Variants in SLIT3 observed in about 807,000 individuals in gnomAD.
The protein encoded by SLIT3 is slit guidance ligand 3, also known as slit homolog 3 protein.
A neutral mutation model predicts 184.0 loss-of-function variants in SLIT3; 68 were observed. The observed-to-expected ratio is 0.37, with a 90% CI of 0.30 to 0.45. SLIT3 has a LOEUF of 0.45. Among genes scored for constraint, SLIT3 ranks in the 20% least tolerant of loss-of-function variants. The pLI, the probability that SLIT3 is intolerant of heterozygous loss-of-function variation, is 1.00. For synonymous variants in SLIT3, 831 were observed against 828.6 expected (o/e 1.00, Z -0.05); for missense variants, 1,707 against 2,026.0 (o/e 0.84, Z 3.02).
At chr5:168,977,956 T>C (rs1754824233) in intron 4 of SLIT3, among the ~76,000 whole-genome samples, 1 of 152,142 alleles carries the variant, frequency 6.6e-6, no homozygotes, top group African/African-American at 2.4e-5. Flanking sequence ...GGAGGTGAAG[T>C]GAAGGCATTC....
At chr5:168,870,025 G>A (rs1049407689) in intron 5 of SLIT3, among the ~76,000 whole-genome samples, 5 of 152,352 alleles carry the variant, frequency 3.3e-5, no homozygotes, top group African/African-American at 1.2e-4. Flanking sequence ...CACGGCAGGC[G>A]CTATGCATAT....
chr5:169,037,489 C>T (rs1164602677), intron 4 of SLIT3, among the ~76,000 whole-genome samples: 2 of 152,066 alleles, frequency 1.3e-5, no homozygotes, highest in Non-Finnish European at 2.9e-5. Context: ...AATAATACAC[C>T]CTTTCCCTCC....
intron 2 of SLIT3, among the ~76,000 whole-genome samples, chr5:169,245,940 T>C (rs1195478600): frequency 6.6e-6 from 1 of 152,208 alleles, no homozygotes; most frequent in East Asian, 1.9e-4. Flanking sequence ...CTAACACAGT[T>C]GCCTAGCACA....
At chr5:168,830,200 C>A (rs1431111693) in intron 6 of SLIT3, among the ~76,000 whole-genome samples, 1 of 152,150 alleles carries the variant, frequency 6.6e-6, no homozygotes, top group African/African-American at 2.4e-5. Context: ...ATGCTCAACC[C>A]CACTCTCTCA....
intron 33 of SLIT3, among the ~76,000 whole-genome samples, chr5:168,672,007 T>C (rs1472192116): frequency 1.3e-5 from 2 of 152,254 alleles, no homozygotes; most frequent in Non-Finnish European, 2.9e-5. Context: ...TGCTGCCTTA[T>C]GTGCGGTGTA....
intron 4 of SLIT3, chr5:169,017,856 G>A (rs1756452692): frequency 6.6e-6 from 1 of 152,220 alleles, no homozygotes; most frequent in Admixed American, 6.5e-5. Flanking sequence ...AGTCAGAGAA[G>A]TAATCTGGAG....
intron 4 of SLIT3, among the ~76,000 whole-genome samples, chr5:169,015,722 T>C (rs1756336452): frequency 6.6e-6 from 1 of 152,054 alleles, no homozygotes; most frequent in African/African-American, 2.4e-5. Flanking sequence ...AAGACCAGCC[T>C]GGGCAACATA....
At chr5:169,205,899 C>G (rs1330296761) in intron 3 of SLIT3, among the ~76,000 whole-genome samples, 1 of 152,162 alleles carries the variant, frequency 6.6e-6, no homozygotes, top group Non-Finnish European at 1.5e-5. Flanking sequence ...GAGCTTGGAG[C>G]AAGAGGCTCA....
intron 4 of SLIT3, among the ~76,000 whole-genome samples, chr5:169,122,686 TC>T (rs1051642064): frequency 6.6e-6 from 1 of 152,102 alleles, no homozygotes; most frequent in Non-Finnish European, 1.5e-5. Context: ...CATCACCACC[TC>T]CTAGAACAAT....
Position 169,084,347 on chromosome 5 carries a change from C to T in SLIT3, c.413+109132G>A, listed in dbSNP as rs577256144. Among the ~76,000 whole-genome samples the T allele has an allele frequency of 2.4e-3, 356 of 150,776 alleles. 1 individual carries two copies. The highest frequency in any genetic ancestry group is 8.2e-3 in the African/African-American group (335 of 40,970). ...TTGCCCAGTCTGGGATGCAATGGCG[C>T]GATCGTGATCTCAGCTCACTGCAAC... On this transcript the variant is annotated intron_variant, in intron 4 of 35. Coordinates refer to ENST00000519560, the MANE Select transcript of SLIT3 (RefSeq NM_003062.4).
rs757423114 is a variant in SLIT3 at position 168,772,892 on chromosome 5, C to T, written c.1348G>A (p.Asp450Asn). The change falls in exon 14 of 36, where the codon GAC becomes AAC. Residue 450 changes from aspartate to asparagine, a missense_variant. Physicochemically the swap from Asp to Asn is conservative, Grantham distance 23 (BLOSUM62 1). Coordinates refer to ENST00000519560, the MANE Select transcript of SLIT3 (RefSeq NM_003062.4). ...TCGATGGGGTTGTCCTGGAGGTAGT[C>T]GGCCAGCCACTTCAAGTGGCAGTCG... Reference protein sequence around the residue: ...VCDCHLKWLADYLQDNPIETS... With the variant: ...VCDCHLKWLANYLQDNPIETS... 3.0e-5 allele frequency: 49 copies of T among 1,613,094 alleles called. No individual in the cohort carries two copies. Among genetic ancestry groups the T allele is most frequent in the East Asian group, 1.8e-4 (8 of 44,872 alleles).
At chr5:168,815,076 G>A (rs117091598) in intron 8 of SLIT3, among the ~76,000 whole-genome samples, 2 of 152,272 alleles carry the variant, frequency 1.3e-5, no homozygotes, top group East Asian at 1.9e-4. Flanking sequence ...GGAGCCTTTG[G>A]ACTAAATTCT....
rs951863473 is a variant in SLIT3, at chr5:168,806,486, T to C, written c.895A>G (p.Met299Val). 5 of 1,614,078 alleles carry C rather than the reference T, an allele frequency of 3.1e-6. No individual in the cohort carries two copies. Among genetic ancestry groups the C allele is most frequent in the Non-Finnish European group, 4.2e-6 (5 of 1,180,032 alleles). ...NIVDCRGKGL[M>V]EIPANLPEGI... ...TCCGGCAAGTTGGCAGGAATCTCCA[T>C]CAAGCCCTTTCCTCGACAGTCCACG... The change falls in exon 9 of 36, where the codon ATG becomes GTG. Residue 299 changes from methionine to valine, a missense_variant. By Grantham distance (21) the Met-to-Val change is conservative. Transcript: ENST00000519560.
chr5:168,669,312 C>T (rs141653349), intron 35 of SLIT3, among the ~76,000 whole-genome samples: 6 of 152,330 alleles, frequency 3.9e-5, no homozygotes, highest in Admixed American at 1.3e-4. Context: ...GCTGCCCTGG[C>T]GCAAGGACCC....
chr5:168,933,233 C>T (rs750817283), intron 4 of SLIT3, among the ~76,000 whole-genome samples: 5 of 152,160 alleles, frequency 3.3e-5, no homozygotes, highest in Non-Finnish European at 7.4e-5. Context: ...TGATCAGCAT[C>T]TCTGCTAATT....
At position 169,131,885 on chromosome 5, in the gene SLIT3, TCAAA is replaced by T. The variant is rs1157231064; in HGVS notation, c.413+61590_413+61593del. 4.6e-5 allele frequency among the ~76,000 whole-genome samples: 7 copies of T among 152,196 alleles called. No individual in the cohort carries two copies. In the East Asian group the frequency reaches 1.2e-3, roughly 25 times the overall value. On this transcript the variant is annotated intron_variant, in intron 4 of 35. Transcript: ENST00000519560. Reference sequence around the variant, plus strand: ...AGGAAAGGGTTTAGCTTCTTAAATATCAAACAAAGTCTAGAGAGAGGGCACTTCA... The same window carrying T: ...AGGAAAGGGTTTAGCTTCTTAAATATCAAAGTCTAGAGAGAGGGCACTTCA...
chr5:168,963,605 C>T (rs1483282572), intron 4 of SLIT3, among the ~76,000 whole-genome samples: 1 of 152,210 alleles, frequency 6.6e-6, no homozygotes, highest in Non-Finnish European at 1.5e-5. Flanking sequence ...TCAGTGACCC[C>T]TGGATTAGAC....
chr5:168,997,947 A>T (rs1163810337), intron 4 of SLIT3, among the ~76,000 whole-genome samples: 1 of 151,984 alleles, frequency 6.6e-6, no homozygotes, highest in Non-Finnish European at 1.5e-5. Context: ...CCTTTCCCAG[A>T]ATTTGAGGCC....
Position 168,967,437 on chromosome 5 carries a change from C to CTTTTTTTTTTTTTT in SLIT3, c.414-84115_414-84102dup, listed in dbSNP as rs540309809. ...TTCCTCTGGCACTGCCATCTCAAAT[C>CTTTTTTTTTTTTTT]TTTTTTTTTTTTTTTTTTTTGAGAC... On this transcript the variant is annotated intron_variant, in intron 4 of 35. Coordinates refer to ENST00000519560, the MANE Select transcript of SLIT3 (RefSeq NM_003062.4). 1.1e-3 allele frequency among the ~76,000 whole-genome samples: 37 copies of CTTTTTTTTTTTTTT among 32,734 alleles called. 10 individuals carry two copies. The highest frequency in any genetic ancestry group is 6.7e-3 in the East Asian group (3 of 450). 21.5% of individuals were successfully genotyped at this position (32,734 alleles called of 152,430 possible). A position where few individuals can be genotyped will look rare whatever the true frequency, so the allele number is the denominator to read the frequency against.
Sources: gnomAD v4.1 joint callset for allele counts (sites outside exome capture counted in the v4.1 genomes callset) on GRCh38, gnomAD v4.1.1 for gene constraint, MANE v1.5 for transcripts, NCBI Gene and HGNC (gene_info 2026-07-23, HGNC 2026-07-21) for gene names.